The following NEK6 variants were observed in gnomAD, a reference collection of about 807,000 sequenced individuals.
The protein encoded by NEK6 is NIMA related kinase 6.
Under a neutral mutation model 43.5 loss-of-function variants are expected in NEK6, and 27 were observed. That is an observed-to-expected ratio of 0.62 (90% CI 0.46 to 0.86). NEK6 has a LOEUF of 0.86. Ranked by LOEUF, NEK6 falls within the 40% of genes least tolerant of loss-of-function variation. The pLI is 0.00. For missense variants in NEK6, 318 were observed against 414.4 expected, an observed-to-expected ratio of 0.77 and a Z score of 2.02; for synonymous variants, 167 against 164.1, an observed-to-expected ratio of 1.02 and a Z score of -0.14.
chr9:124,292,532 G>T (rs1342874171), intron 1 of NEK6: 1 of 1,537,046 alleles, frequency 6.5e-7, no homozygotes, highest in Non-Finnish European at 8.7e-7. Context: ...GCTCGCCTGG[G>T]ACCCAGGGTG....
intron 7 of NEK6, among the ~76,000 whole-genome samples, chr9:124,336,694 TTC>T (rs1425582697): frequency 6.6e-6 from 1 of 152,020 alleles, no homozygotes; most frequent in African/African-American, 2.4e-5. Context: ...AGTGAAAATG[TTC>T]TCAGTTTAGC....
At chr9:124,307,230 C>T (rs1277738040) in intron 2 of NEK6, among the ~76,000 whole-genome samples, 1 of 151,810 alleles carries the variant, frequency 6.6e-6, no homozygotes, top group Non-Finnish European at 1.5e-5. Flanking sequence ...CTAATTTGAT[C>T]TGACTTGGAG....
intron 2 of NEK6, among the ~76,000 whole-genome samples, chr9:124,306,807 G>T (rs1190420696): frequency 2.6e-5 from 4 of 152,206 alleles, no homozygotes; most frequent in African/African-American, 9.7e-5. Flanking sequence ...GTGCAACACA[G>T]ATTTAAAATA....
chr9:124,272,617 T>C (rs1377965869), intron 1 of NEK6, among the ~76,000 whole-genome samples: 1 of 152,214 alleles, frequency 6.6e-6, no homozygotes, highest in Non-Finnish European at 1.5e-5. Context: ...CTTTGAGAAA[T>C]CAGTTTTTCC....
intron 1 of NEK6, among the ~76,000 whole-genome samples, chr9:124,270,937 C>T (rs1479206731): frequency 6.6e-6 from 1 of 152,250 alleles, no homozygotes; most frequent in African/African-American, 2.4e-5. Flanking sequence ...GGACATGAAG[C>T]CAGCCTGATG....
intron 1 of NEK6, among the ~76,000 whole-genome samples, chr9:124,276,790 C>T (rs777241768): frequency 6.6e-6 from 1 of 152,246 alleles, no homozygotes; most frequent in Non-Finnish European, 1.5e-5. Flanking sequence ...TGGCGAAGGC[C>T]TGCAGTTAGA....
At chr9:124,260,113 G>A (rs957208870) in intron 1 of NEK6, among the ~76,000 whole-genome samples, 1 of 152,174 alleles carries the variant, frequency 6.6e-6, no homozygotes, top group Admixed American at 6.5e-5. Context: ...TCAAGCCTGT[G>A]TCCTGGGGCA....
At chr9:124,327,024 C>A (rs1045980668) in intron 6 of NEK6, among the ~76,000 whole-genome samples, 1 of 152,164 alleles carries the variant, frequency 6.6e-6, no homozygotes, top group Non-Finnish European at 1.5e-5. Flanking sequence ...TGAGGGCCTC[C>A]TGTGTGCGAG....
chr9:124,288,721 A>G (rs1832268204), intron 1 of NEK6, among the ~76,000 whole-genome samples: 2 of 152,152 alleles, frequency 1.3e-5, no homozygotes, highest in South Asian at 4.1e-4. Flanking sequence ...CTACTAGTTT[A>G]TAAAAGAGGG....
Position 124,350,868 on chromosome 9 carries a change from C to G in NEK6, c.863C>G (p.Pro288Arg). The G allele has an allele frequency of 3.1e-6, 5 of 1,612,906 alleles. No individual in the cohort carries two copies. Among genetic ancestry groups the G allele is most frequent in the Non-Finnish European group, 4.2e-6 (5 of 1,179,956 alleles). ...LRELVSMCIC[P>R]DPHQRPDIGY... ...GAACTGGTCAGCATGTGCATCTGCC[C>G]TGACCCCCACCAGAGACCTGACATC... Residue 288 changes from proline to arginine, a missense_variant, in exon 10 of 10, where the codon CCT becomes CGT. By Grantham distance (103) the Pro-to-Arg change is moderately radical. Transcript: ENST00000320246.
intron 1 of NEK6, among the ~76,000 whole-genome samples, chr9:124,270,800 C>T (rs1831409175): frequency 6.6e-6 from 1 of 152,212 alleles, no homozygotes; most frequent in African/African-American, 2.4e-5. Flanking sequence ...CCAGCATGTG[C>T]TCCATTATTC....
rs770132118 is a variant in NEK6, at chr9:124,343,146, G to C, written c.717+3481G>C. Among the ~76,000 whole-genome samples, 1 of 152,060 alleles carries C rather than the reference G, an allele frequency of 6.6e-6. No individual in the cohort carries two copies. The highest frequency in any genetic ancestry group is 2.1e-4 in the South Asian group (1 of 4,830). ...GCCTTCGTGACTCCCTGGCATTGAG[G>C]CTCGGGTTACGCCGAGCTGACTCAT... is the stretch of plus-strand genomic sequence containing the variant. On this transcript the variant is annotated intron_variant, in intron 8 of 9. Coordinates refer to ENST00000320246, the MANE Select transcript of NEK6 (RefSeq NM_014397.6). This position sits in a 1 kb window ranked among gnomAD's most constrained non-coding sequence, Gnocchi z 5.1.
intron 3 of NEK6, among the ~76,000 whole-genome samples, chr9:124,312,964 C>T (rs1039597098): frequency 3.9e-5 from 6 of 152,176 alleles, no homozygotes; most frequent in South Asian, 2.1e-4. Flanking sequence ...ATCTCATAAC[C>T]GCCAGGGCCC....
At position 124,340,463 on chromosome 9, in the gene NEK6, C is replaced by T. The variant is rs150542775; in HGVS notation, c.717+798C>T. 4.0e-3 allele frequency among the ~76,000 whole-genome samples: 603 copies of T among 152,290 alleles called. 3 individuals are homozygous for T. Among genetic ancestry groups the T allele is most frequent in the African/African-American group, 0.013 (541 of 41,564 alleles). ...TAGACCACCAAAGGCTGGGTGGCTCCGGGATTCCATCCACCTGGCTGAGCC... is the reference window on the plus strand; with the variant it reads ...TAGACCACCAAAGGCTGGGTGGCTCTGGGATTCCATCCACCTGGCTGAGCC... On this transcript the variant is annotated intron_variant, in intron 8 of 9. Coordinates refer to ENST00000320246, the MANE Select transcript of NEK6 (RefSeq NM_014397.6).
chr9:124,334,202 A>G (rs1280538996), intron 7 of NEK6, among the ~76,000 whole-genome samples: 1 of 152,138 alleles, frequency 6.6e-6, no homozygotes, highest in South Asian at 2.1e-4. Context: ...GGCTCAGTTA[A>G]TCTTAGTTGG....
chr9:124,284,036 T>A (rs1207913944), intron 1 of NEK6, among the ~76,000 whole-genome samples: 1 of 152,220 alleles, frequency 6.6e-6, no homozygotes, highest in Non-Finnish European at 1.5e-5. Flanking sequence ...CTGTGTGGCT[T>A]GGTTTCCCCA....
At chr9:124,327,963 AGT>A (rs1266347195) in intron 7 of NEK6, among the ~76,000 whole-genome samples, 2 of 152,136 alleles carry the variant, frequency 1.3e-5, no homozygotes, top group Non-Finnish European at 2.9e-5. Flanking sequence ...TCCAGGAAAC[AGT>A]GGGTGAGCCT....
chr9:124,350,948 G>A lies in NEK6; in HGVS notation c.*1G>A, dbSNP rs1830244104. 2 of 1,603,860 alleles carry A rather than the reference G, an allele frequency of 1.2e-6. No individual in the cohort carries two copies. The highest frequency in any genetic ancestry group is 1.1e-5 in the South Asian group (1 of 90,916). Reference sequence around the variant, plus strand: ...GCACATCTGGATGTCCAGCACCTGAGCGTGGATGCACCGTGCCTTATCAAA... The same window carrying A: ...GCACATCTGGATGTCCAGCACCTGAACGTGGATGCACCGTGCCTTATCAAA... On this transcript the variant is annotated 3_prime_UTR_variant, in exon 10 of 10. Coordinates refer to ENST00000320246, the MANE Select transcript of NEK6 (RefSeq NM_014397.6).
chr9:124,266,169 G>A (rs1255142945), intron 1 of NEK6, among the ~76,000 whole-genome samples: 1 of 152,160 alleles, frequency 6.6e-6, no homozygotes, highest in Admixed American at 6.5e-5. Context: ...AGGTGGGGCT[G>A]TGGAACTTCC....
Sources: allele counts gnomAD v4.1 joint callset (sites outside exome capture counted in the v4.1 genomes callset), GRCh38; gene constraint gnomAD v4.1.1; non-coding constraint Gnocchi (gnomAD v3.1); transcripts MANE v1.5; gene names NCBI Gene and HGNC (gene_info 2026-07-23, HGNC 2026-07-21).